Variants in SDK2 observed in about 807,000 individuals in gnomAD.
SDK2 encodes sidekick cell adhesion molecule 2.
A neutral mutation model predicts 253.9 loss-of-function variants in SDK2; 105 were observed. The observed-to-expected ratio is 0.41, with a 90% CI of 0.35 to 0.49. SDK2 has a LOEUF of 0.49. SDK2 is among the 20% of genes least tolerant of loss of function. The pLI is 0.06. For synonymous variants in SDK2, 1,249 were observed against 1,234.9 expected, an observed-to-expected ratio of 1.01 and a Z score of -0.24; for missense variants, 2,608 against 3,003.0, an observed-to-expected ratio of 0.87 and a Z score of 3.07.
Position 73,544,680 on chromosome 17 carries a change from G to A in SDK2, c.65-37083C>T, listed in dbSNP as rs896584573. Among the ~76,000 whole-genome samples the A allele has an allele frequency of 5.3e-5, 8 of 152,188 alleles. No homozygotes were observed. The East Asian group carries it at 7.7e-4, about 15-fold the overall frequency. Reference sequence around the variant, plus strand: ...TACCTAGCAGTCCCAGATTCAAGTCGCATCATGTCAAGAATCACCTCAGAA... The same window carrying A: ...TACCTAGCAGTCCCAGATTCAAGTCACATCATGTCAAGAATCACCTCAGAA... On this transcript the variant is annotated intron_variant, in intron 1 of 44. Transcript: ENST00000392650.
intron 1 of SDK2, among the ~76,000 whole-genome samples, chr17:73,606,074 G>C (rs1490868660): frequency 6.6e-6 from 1 of 152,198 alleles, no homozygotes; most frequent in African/African-American, 2.4e-5. Context: ...AGCAGAGATG[G>C]GGCTGTGTTG....
chr17:73,433,581 G>T, intron 10 of SDK2, 151 bp downstream of exon 10: 1 of 590,712 alleles, frequency 1.7e-6, no homozygotes, highest in Admixed American at 2.9e-5. Flanking sequence ...GAGCCACCGC[G>T]CCCGGCCGAG....
chr17:73,554,088 C>G (rs958791639), intron 1 of SDK2, among the ~76,000 whole-genome samples: 1 of 152,146 alleles, frequency 6.6e-6, no homozygotes, highest in African/African-American at 2.4e-5. Flanking sequence ...GAGCAGATCC[C>G]TTGTCCTCAT....
At chr17:73,436,994 C>T (rs1297236606) in intron 8 of SDK2, among the ~76,000 whole-genome samples, 2 of 152,084 alleles carry the variant, frequency 1.3e-5, no homozygotes, top group African/African-American at 4.8e-5. Flanking sequence ...TATGTATCTC[C>T]CCACTCCTGA....
chr17:73,459,047 T>C (rs2063547606), intron 3 of SDK2, among the ~76,000 whole-genome samples: 2 of 151,702 alleles, frequency 1.3e-5, no homozygotes, highest in Non-Finnish European at 2.9e-5. Flanking sequence ...ACAAAAAAAC[T>C]CCCCTCATGC....
At position 73,414,697 on chromosome 17, in the gene SDK2, T is replaced by G; in HGVS notation, c.2431A>C (p.Thr811Pro). ...EATNSTTIRF[T>P]WNAPSPQFIN... is the part of the protein sequence containing the mutation. ...AACTGGGGGCTGGGGGCGTTCCAGG[T>G]GAAGCGGATGGTCGTGGAATTGGTG... Residue 811 changes from threonine (T) to proline (P), a missense_variant, in exon 18 of 45, where the codon ACC becomes CCC. This residue lies in a region of SDK2 where 1,505 missense variants were observed against 1,859.1 expected (regional missense o/e 0.81). Transcript: ENST00000392650. 6.2e-7 allele frequency: 1 copy of G among 1,613,856 alleles called. No individual in the cohort carries two copies. Among genetic ancestry groups the G allele is most frequent in the Non-Finnish European group, 8.5e-7 (1 of 1,179,894 alleles).
chr17:73,448,421 G>C (rs764454416), intron 4 of SDK2, among the ~76,000 whole-genome samples: 21 of 152,020 alleles, frequency 1.4e-4, no homozygotes, highest in Non-Finnish European at 2.6e-4. Flanking sequence ...CTGGAGTACA[G>C]TGGCATGATC....
intron 18 of SDK2, among the ~76,000 whole-genome samples, chr17:73,405,855 G>C (rs973354115): frequency 4.6e-5 from 7 of 151,558 alleles, no homozygotes; most frequent in Admixed American, 2.0e-4. Context: ...GAGTTGCTGG[G>C]ACTACAGGCG....
At chr17:73,555,713 C>T (rs1234374266) in intron 1 of SDK2, among the ~76,000 whole-genome samples, 1 of 152,210 alleles carries the variant, frequency 6.6e-6, no homozygotes, top group African/African-American at 2.4e-5. Context: ...GCGCCAAGAC[C>T]ACATAAGCAG....
In SDK2 at chr17:73,399,097, A is replaced by G. The variant is rs766808771; in HGVS notation, c.3093+71T>C. The G allele has an allele frequency of 1.3e-5, 20 of 1,527,848 alleles. No individual in the cohort carries two copies. The East Asian group carries it at 4.1e-4, about 31-fold the overall frequency. The allele number at this position is 1,527,848 out of a possible 1,614,324, so 94.6% of individuals were successfully genotyped here. On this transcript the variant is annotated intron_variant, in intron 22 of 44. Coordinates refer to ENST00000392650, the MANE Select transcript of SDK2 (RefSeq NM_001144952.2). The stretch of plus-strand genomic sequence containing the variant: ...AAAATTCACACAGGCCGAAATACAC[A>G]TAAGATTTTGCACTCAAGGGCACGG...
At chr17:73,401,276 C>T (rs979179850) in intron 20 of SDK2, 65 bp from the exon 21 acceptor site, 2 of 1,379,350 alleles carry the variant, frequency 1.4e-6, no homozygotes, top group African/African-American at 2.9e-5. Context: ...ACCCACTACT[C>T]CACTTCTCAC....
At chr17:73,475,191 G>T (rs1050144114) in intron 2 of SDK2, among the ~76,000 whole-genome samples, 3 of 151,936 alleles carry the variant, frequency 2.0e-5, no homozygotes, top group African/African-American at 7.3e-5. Flanking sequence ...TCACTCTTTT[G>T]CCCAGGCTGA....
At position 73,541,843 on chromosome 17, in the gene SDK2, C is replaced by T. The variant is rs192885825; in HGVS notation, c.65-34246G>A. Among the ~76,000 whole-genome samples, 125 of 152,262 alleles carry T rather than the reference C, an allele frequency of 8.2e-4. 1 individual carries two copies. Among genetic ancestry groups the T allele is most frequent in the South Asian group, 3.5e-3 (17 of 4,820 alleles). ...TATTTAGAGCCGAGTGGAAGATCCT[C>T]GTCAATCGGGCTCATGGTTTGGTGG... On this transcript the variant is annotated intron_variant, in intron 1 of 44. Transcript: ENST00000392650. This position sits in a 1 kb window ranked among gnomAD's most constrained non-coding sequence, Gnocchi z 4.3.
At position 73,643,816 on chromosome 17, in the gene SDK2, G is replaced by C. The variant is rs1196160077; in HGVS notation, c.64+209C>G. ...AGGTCGTCCCCACCTTCCCCCATTC[G>C]GAAGCCACAAGTCTCGGAGAGACTG... On this transcript the variant is annotated intron_variant, in intron 1 of 44. Transcript: ENST00000392650. This position sits in a 1 kb window ranked among gnomAD's most constrained non-coding sequence, Gnocchi z 6.9. Among the ~76,000 whole-genome samples the C allele has an allele frequency of 6.6e-6, 1 of 151,976 alleles. No individual in the cohort carries two copies. Among genetic ancestry groups the C allele is most frequent in the Non-Finnish European group, 1.5e-5 (1 of 67,958 alleles).
In SDK2 at chr17:73,401,174, G is replaced by T. The variant is rs1426935291; in HGVS notation, c.2817C>A (p.Asn939Lys). Residue 939 changes from asparagine to lysine, a missense_variant, in exon 21 of 45, where the codon AAC (asparagine) becomes AAA (lysine). By Grantham distance (94) the Asn-to-Lys change is moderately conservative (BLOSUM62 0). Transcript: ENST00000392650. ...TGGGCAGGTAGTGGGTCACACGGGTGTTGGTTCGATTGTACTCCTCCCAGG... is the reference window on the plus strand; with the variant it reads ...TGGGCAGGTAGTGGGTCACACGGGTTTTGGTTCGATTGTACTCCTCCCAGG... ...RISWEEYNRT[N>K]TRVTHYLPNV... 7.7e-6 allele frequency: 12 copies of T among 1,556,750 alleles called. No individual in the cohort carries two copies. The highest frequency in any genetic ancestry group is 1.0e-5 in the Non-Finnish European group (12 of 1,149,930).
chr17:73,453,064 C>T (rs1378328119), intron 4 of SDK2, among the ~76,000 whole-genome samples: 2 of 152,254 alleles, frequency 1.3e-5, no homozygotes, highest in Admixed American at 1.3e-4. Context: ...TGTATCCACA[C>T]TCTTTGTCCC....
intron 1 of SDK2, among the ~76,000 whole-genome samples, chr17:73,592,434 A>T (rs1332626920): frequency 1.3e-5 from 2 of 152,238 alleles, no homozygotes; most frequent in Non-Finnish European, 2.9e-5. Flanking sequence ...GGAGTGTGGG[A>T]GGGAAAGAGT....
intron 2 of SDK2, among the ~76,000 whole-genome samples, chr17:73,500,384 CA>C (rs2063879840): frequency 6.9e-6 from 1 of 145,936 alleles, no homozygotes; most frequent in African/African-American, 2.5e-5. Context: ...ATCCTCCCTC[CA>C]TTCTCCTCCA....
In SDK2 at chr17:73,404,703, TAGTC is replaced by T. The variant is rs1194284698; in HGVS notation, c.2485-2566_2485-2563del. Among the ~76,000 whole-genome samples the T allele has an allele frequency of 3.3e-5, 5 of 152,288 alleles. No homozygotes were observed. In the East Asian group the frequency reaches 7.7e-4, roughly 24 times the overall value. Reference sequence around the variant, plus strand: ...GGACATCTCTGTGCCTTCTCCTTGTTAGTCAGTTTCAGTGTTGATTTACCATACT... The same window carrying T: ...GGACATCTCTGTGCCTTCTCCTTGTTAGTTTCAGTGTTGATTTACCATACT... On this transcript the variant is annotated intron_variant, in intron 18 of 44. Transcript: ENST00000392650.
Sources: allele counts gnomAD v4.1 joint callset (sites outside exome capture counted in the v4.1 genomes callset), GRCh38; gene constraint gnomAD v4.1.1; regional missense constraint gnomAD v4.1.1; non-coding constraint Gnocchi (gnomAD v3.1); transcripts MANE v1.5; gene names NCBI Gene and HGNC (gene_info 2026-07-23, HGNC 2026-07-21).